NXPH1: variants seen among roughly 807,000 people sequenced by gnomAD.
The protein encoded by NXPH1 is neurexophilin 1, also known as neurexophilin-1.
A neutral mutation model predicts 23.7 loss-of-function variants in NXPH1; 5 were observed. The observed-to-expected ratio is 0.21, with a 90% CI of 0.11 to 0.44. The LOEUF (loss-of-function observed/expected upper bound fraction) is 0.44, where lower values mean the gene tolerates loss of function less well. NXPH1 is among the 20% of genes least tolerant of loss of function. NXPH1 has a pLI of 0.99. For synonymous variants in NXPH1, 144 were observed against 122.2 expected, an observed-to-expected ratio of 1.18 and a Z score of -1.18; for missense variants, 324 against 321.6, an observed-to-expected ratio of 1.01 and a Z score of -0.06.
intron 2 of NXPH1, among the ~76,000 whole-genome samples, chr7:8,556,129 A>G (rs1818352834): frequency 6.6e-6 from 1 of 151,660 alleles, no homozygotes; most frequent in Admixed American, 6.6e-5. Context: ...AGCCCATGTT[A>G]TGGCTATTGA....
intron 2 of NXPH1, among the ~76,000 whole-genome samples, chr7:8,672,228 C>G (rs113288329): frequency 0.019 from 2,937 of 152,008 alleles, 48 homozygotes; most frequent in Middle Eastern, 0.048. Flanking sequence ...ATCGCAAGGA[C>G]AAAAAACCAA....
At chr7:8,438,782 A>C (rs10247446) in intron 2 of NXPH1, among the ~76,000 whole-genome samples, 105,445 of 152,120 alleles carry the variant, frequency 0.69, 38,760 homozygotes, top group East Asian at 0.91. Context: ...ATGTTTGCAA[A>C]GTATGTTTCT....
At chr7:8,514,448 A>G (rs895393134) in intron 2 of NXPH1, among the ~76,000 whole-genome samples, 15 of 152,150 alleles carry the variant, frequency 9.9e-5, no homozygotes, top group Non-Finnish European at 1.6e-4. Context: ...ATCAGTCTCA[A>G]GTGTTTCTAC....
chr7:8,661,922 A>G (rs1820682014), intron 2 of NXPH1, among the ~76,000 whole-genome samples: 1 of 151,980 alleles, frequency 6.6e-6, no homozygotes, highest in African/African-American at 2.4e-5. Flanking sequence ...TATATCAAGT[A>G]TCCCCCCCAA....
intron 2 of NXPH1, among the ~76,000 whole-genome samples, chr7:8,657,055 T>C (rs1820595831): frequency 6.6e-6 from 1 of 152,240 alleles, no homozygotes; most frequent in South Asian, 2.1e-4. Context: ...TGTACTTCTA[T>C]GTACATGATG....
At position 8,541,606 on chromosome 7, in the gene NXPH1, A is replaced by G. The variant is rs140892124; in HGVS notation, c.54+105839A>G. Among the ~76,000 whole-genome samples the G allele has an allele frequency of 2.2e-3, 332 of 151,824 alleles. 4 individuals are homozygous for G. The highest frequency in any genetic ancestry group is 7.7e-3 in the African/African-American group (318 of 41,520). ...AACTGGTTGCCACATGGGTAAATAAAGAAGAATTTTTGGTATAATTTAAAT... is the reference window on the plus strand; with the variant it reads ...AACTGGTTGCCACATGGGTAAATAAGGAAGAATTTTTGGTATAATTTAAAT... On this transcript the variant is annotated intron_variant, in intron 2 of 2. Coordinates refer to ENST00000405863, the MANE Select transcript of NXPH1 (RefSeq NM_152745.3).
intron 2 of NXPH1, among the ~76,000 whole-genome samples, chr7:8,742,251 C>G (rs1780380247): frequency 6.6e-6 from 1 of 151,884 alleles, no homozygotes; most frequent in Non-Finnish European, 1.5e-5. Flanking sequence ...AGTAATCATA[C>G]AAATATATAC....
intron 2 of NXPH1, among the ~76,000 whole-genome samples, chr7:8,575,047 T>C (rs926873920): frequency 5.3e-5 from 8 of 152,188 alleles, no homozygotes; most frequent in Non-Finnish European, 8.8e-5. Flanking sequence ...AAATAGCTTC[T>C]CCCTTTTATA....
intron 2 of NXPH1, chr7:8,690,234 T>A (rs550615993): frequency 3.3e-5 from 5 of 152,350 alleles, no homozygotes; most frequent in Non-Finnish European, 5.9e-5. Flanking sequence ...CCTGATTATC[T>A]TGTTTAGTAG....
Position 8,585,858 on chromosome 7 carries a change from G to A in NXPH1, c.54+150091G>A, listed in dbSNP as rs571824741. On this transcript the variant is annotated intron_variant, in intron 2 of 2. Coordinates refer to ENST00000405863, the MANE Select transcript of NXPH1 (RefSeq NM_152745.3). ...TTTGTGACAGTGCCACATTTTTATC[G>A]GGAGGGCTTTATTGAGCTTTGGAAA... Among the ~76,000 whole-genome samples, 10 of 152,206 alleles carry A rather than the reference G, an allele frequency of 6.6e-5. No individual in the cohort carries two copies. In the South Asian group the frequency reaches 1.9e-3, roughly 28 times the overall value.
rs114812867 is a variant in NXPH1, at chr7:8,532,800, T to A, written c.54+97033T>A. Among the ~76,000 whole-genome samples the A allele has an allele frequency of 4.3e-3, 656 of 152,252 alleles. 5 individuals are homozygous for A. Among genetic ancestry groups the A allele is most frequent in the African/African-American group, 0.015 (638 of 41,550 alleles). On this transcript the variant is annotated intron_variant, in intron 2 of 2. Coordinates refer to ENST00000405863, the MANE Select transcript of NXPH1 (RefSeq NM_152745.3). ...CTTGGGCAAGATAATTACATATTTT[T>A]ATACCTCCGTTTTCTCATTTGTAAT...
intron 2 of NXPH1, among the ~76,000 whole-genome samples, chr7:8,723,428 A>G (rs558704197): frequency 6.6e-6 from 1 of 152,312 alleles, no homozygotes; most frequent in South Asian, 2.1e-4. Context: ...AAGTTTTGCT[A>G]ATGTTTGTCA....
At chr7:8,657,350 T>G (rs1451982277) in intron 2 of NXPH1, among the ~76,000 whole-genome samples, 1 of 152,222 alleles carries the variant, frequency 6.6e-6, no homozygotes, top group Admixed American at 6.5e-5. Context: ...TTGATAATTT[T>G]GTAAGATATT....
intron 2 of NXPH1, among the ~76,000 whole-genome samples, chr7:8,441,581 C>A (rs1051843420): frequency 6.6e-6 from 1 of 152,172 alleles, no homozygotes; most frequent in Non-Finnish European, 1.5e-5. Flanking sequence ...AAGTGCTCCC[C>A]AGATGAATAT....
intron 2 of NXPH1, among the ~76,000 whole-genome samples, chr7:8,613,230 G>A (rs1178367575): frequency 6.6e-6 from 1 of 151,270 alleles, no homozygotes; most frequent in Non-Finnish European, 1.5e-5. Context: ...TTTAAGTTTT[G>A]CGCACATTTT....
chr7:8,744,130 C>G (rs781448180), intron 2 of NXPH1, among the ~76,000 whole-genome samples: 18 of 152,056 alleles, frequency 1.2e-4, no homozygotes, highest in Admixed American at 9.8e-4. Context: ...AGAAAATGAC[C>G]CTTGTCTATG....
rs79301927 is a variant in NXPH1 at position 8,492,594 on chromosome 7, A to G, written c.54+56827A>G. Among the ~76,000 whole-genome samples the G allele has an allele frequency of 7.4e-3, 1,125 of 152,148 alleles. 7 individuals are homozygous for G. The highest frequency in any genetic ancestry group is 0.025 in the African/African-American group (1,059 of 41,548). Reference sequence around the variant, plus strand: ...TTGCTGACTTCATGGAGCTTACACAATCAACTGGTATGTAAATAAACTTCA... The same window carrying G: ...TTGCTGACTTCATGGAGCTTACACAGTCAACTGGTATGTAAATAAACTTCA... On this transcript the variant is annotated intron_variant, in intron 2 of 2. Coordinates refer to ENST00000405863, the MANE Select transcript of NXPH1 (RefSeq NM_152745.3).
chr7:8,640,339 A>T (rs1820286990), intron 2 of NXPH1, among the ~76,000 whole-genome samples: 1 of 151,892 alleles, frequency 6.6e-6, no homozygotes, highest in Non-Finnish European at 1.5e-5. Flanking sequence ...AATTCCATTA[A>T]TGTTTTCTCT....
At chr7:8,510,878 C>T (rs1817601029) in intron 2 of NXPH1, among the ~76,000 whole-genome samples, 1 of 152,046 alleles carries the variant, frequency 6.6e-6, no homozygotes, top group South Asian at 2.1e-4. Context: ...GGCTCCAATT[C>T]ATTTTAAGTT....
Sources: allele counts gnomAD v4.1 joint callset (sites outside exome capture counted in the v4.1 genomes callset), GRCh38; gene constraint gnomAD v4.1.1; transcripts MANE v1.5; gene names NCBI Gene and HGNC (gene_info 2026-07-23, HGNC 2026-07-21).